The following C2CD5 variants were observed in gnomAD, a reference collection of about 807,000 sequenced individuals.
C2CD5 encodes C2 calcium dependent domain containing 5, also known as C2 domain-containing protein 5.
In C2CD5, 109 loss-of-function variants were observed where a neutral mutation model predicts 130.3. The observed-to-expected ratio is 0.84, with a 90% confidence interval of 0.72 to 0.98. The LOEUF is 0.98. Among genes scored for constraint, C2CD5 ranks in the 50% least tolerant of loss-of-function variants. The pLI is 0.00. For synonymous variants in C2CD5, 454 were observed against 429.2 expected (o/e 1.06, Z -0.71); for missense variants, 996 against 1,261.8 (o/e 0.79, Z 3.19).
intron 14 of C2CD5, among the ~76,000 whole-genome samples, chr12:22,480,479 G>C (rs1048340648): frequency 6.6e-6 from 1 of 152,210 alleles, no homozygotes; most frequent in African/African-American, 2.4e-5. Context: ...GTAGTTAACA[G>C]CACTAGTGAT....
intron 10 of C2CD5, among the ~76,000 whole-genome samples, chr12:22,494,358 CAA>C (rs1421486946): frequency 6.6e-6 from 1 of 151,800 alleles, no homozygotes; most frequent in Admixed American, 6.6e-5. Flanking sequence ...CCAAAAAATC[CAA>C]AGTTTCTATT....
In C2CD5 at chr12:22,544,315, C is replaced by A. The variant is rs542820294; in HGVS notation, c.-30+5G>T. The A allele has an allele frequency of 2.4e-4, 129 of 542,962 alleles. No homozygotes were observed. In the African/African-American group the frequency reaches 2.5e-3, roughly 10 times the overall value. The allele number at this position is 542,962 out of a possible 1,614,324, so 33.6% of individuals were successfully genotyped here. A position where few individuals can be genotyped will look rare whatever the true frequency, so the allele number is the denominator to read the frequency against. On this transcript the variant is annotated splice_donor_5th_base_variant and intron_variant, in intron 1 of 26. Coordinates refer to ENST00000446597, the MANE Select transcript of C2CD5 (RefSeq NM_001286176.2). ...CCGGCAGTCGCGCCACGGGTCGCCACTCACTGTCGCAGGAGGAAGGGTGCT... is the reference window on the plus strand; with the variant it reads ...CCGGCAGTCGCGCCACGGGTCGCCAATCACTGTCGCAGGAGGAAGGGTGCT...
chr12:22,523,726 TCA>T (rs927996184), intron 6 of C2CD5, 102 bp from the exon 7 acceptor site: 21 of 827,628 alleles, frequency 2.5e-5, no homozygotes, highest in Admixed American at 5.1e-5. Flanking sequence ...ACCAAGAAAA[TCA>T]CAGATTTTCA....
intron 12 of C2CD5, among the ~76,000 whole-genome samples, chr12:22,489,774 T>C (rs963519684): frequency 6.6e-6 from 1 of 152,114 alleles, no homozygotes; most frequent in Non-Finnish European, 1.5e-5. Context: ...ATAACCTCTT[T>C]CTGTTTTTGG....
Position 22,479,239 on chromosome 12 carries a change from AAT to A in C2CD5, c.1738-764_1738-763del, listed in dbSNP as rs1171261275. On this transcript the variant is annotated intron_variant, in intron 14 of 26. Coordinates refer to ENST00000446597, the MANE Select transcript of C2CD5 (RefSeq NM_001286176.2). ...CAGGTGCCCACCACCACACTCAGCTAATTTTTGTATTTTTAGTAGAGATGGGT... is the reference window on the plus strand; with the variant it reads ...CAGGTGCCCACCACCACACTCAGCTATTTTGTATTTTTAGTAGAGATGGGT... Among the ~76,000 whole-genome samples, 26 of 152,018 alleles carry A rather than the reference AAT, an allele frequency of 1.7e-4. 1 individual carries two copies. The East Asian group carries it at 3.7e-3, about 22-fold the overall frequency.
At chr12:22,492,996 T>C (rs927662872) in intron 11 of C2CD5, among the ~76,000 whole-genome samples, 2 of 152,182 alleles carry the variant, frequency 1.3e-5, no homozygotes, top group African/African-American at 4.8e-5. Flanking sequence ...TGGTATTATC[T>C]CCATTTTAAT....
chr12:22,495,983 T>C (rs1001046143), intron 10 of C2CD5, among the ~76,000 whole-genome samples: 3 of 152,082 alleles, frequency 2.0e-5, no homozygotes, highest in Non-Finnish European at 4.4e-5. Context: ...AAGGCAAGCA[T>C]ACAGTAGGGA....
At chr12:22,525,959 A>G (rs1259440403) in intron 4 of C2CD5, among the ~76,000 whole-genome samples, 1 of 152,184 alleles carries the variant, frequency 6.6e-6, no homozygotes, top group East Asian at 1.9e-4. Flanking sequence ...GTAGGCTAAT[A>G]TAAGTGTTCG....
chr12:22,536,491 T>C (rs1482492787), intron 2 of C2CD5, among the ~76,000 whole-genome samples: 4 of 152,148 alleles, frequency 2.6e-5, no homozygotes, highest in African/African-American at 4.8e-5. Context: ...ACCAAAAATA[T>C]AGTCATTCAG....
intron 22 of C2CD5, among the ~76,000 whole-genome samples, chr12:22,468,200 C>CTA (rs1942432085): frequency 6.6e-6 from 1 of 151,514 alleles, no homozygotes; most frequent in South Asian, 2.1e-4. Flanking sequence ...AAAAAACTTG[C>CTA]TGTATAGTGA....
At chr12:22,484,947 A>G in intron 12 of C2CD5, 59 bp from the exon 13 acceptor site, 2 of 808,120 alleles carry the variant, frequency 2.5e-6, no homozygotes, top group Non-Finnish European at 3.6e-6. Flanking sequence ...TTTTTCAAAA[A>G]TAATTATGTA....
At chr12:22,470,213 T>C (rs1028768313) in intron 21 of C2CD5, among the ~76,000 whole-genome samples, 6 of 152,130 alleles carry the variant, frequency 3.9e-5, no homozygotes, top group African/African-American at 9.6e-5. Flanking sequence ...ATCTTATCAA[T>C]GCTATACATG....
chr12:22,520,342 T>G (rs1950164522), intron 7 of C2CD5, among the ~76,000 whole-genome samples: 2 of 152,142 alleles, frequency 1.3e-5, no homozygotes, highest in African/African-American at 4.8e-5. Context: ...TATTACTGAC[T>G]GCCCAGGAAC....
Position 22,524,508 on chromosome 12 carries a change from T to C in C2CD5, c.565A>G (p.Asn189Asp). ...GAAATGAGTCTCTGTCTGGCCTCATTTGATGCCCTTGGTGTGCGAATTCGA... is the reference window on the plus strand; with the variant it reads ...GAAATGAGTCTCTGTCTGGCCTCATCTGATGCCCTTGGTGTGCGAATTCGA... ...IDRIRTPRASNEARQRLISLM... is the reference protein window; with the variant it reads ...IDRIRTPRASDEARQRLISLM... Residue 189 changes from asparagine (N) to aspartate (D), a missense_variant, in exon 6 of 27, where the codon AAT (asparagine) becomes GAT (aspartate). By Grantham distance (23) the Asn-to-Asp change is conservative. Transcript: ENST00000446597. 6.2e-7 allele frequency: 1 copy of C among 1,614,008 alleles called. No homozygotes were observed.
Position 22,524,499 on chromosome 12 carries a change from T to G in C2CD5, c.574A>C (p.Arg192=), listed in dbSNP as rs747845194. ...IRTPRASNEA[R]QRLISLMSGE... ...GACATTAACGAAATGAGTCTCTGTC[T>G]GGCCTCATTTGATGCCCTTGGTGTG... The change falls in exon 6 of 27, where the codon AGA becomes CGA. Residue 192 remains arginine (R), a synonymous_variant. Transcript: ENST00000446597. 20 of 1,613,998 alleles carry G rather than the reference T, an allele frequency of 1.2e-5. No homozygotes were observed. In the Middle Eastern group the frequency reaches 2.5e-3, roughly 200 times the overall value.
At position 22,472,792 on chromosome 12, in the gene C2CD5, C is replaced by T. The variant is rs753318683; in HGVS notation, c.2059G>A (p.Ala687Thr). ...AGTAGAGAATGGACATCTTCCATGG[C>T]ATCTGTGTCATCAATCTTAAAATAG... is the stretch of plus-strand genomic sequence containing the variant. The part of the protein sequence containing the change: ...AFVLEIDDTD[A>T]MEDVHSLLTD... The change falls in exon 17 of 27, where the codon GCC (alanine) becomes ACC (threonine). Residue 687 changes from alanine to threonine, a missense_variant. Physicochemically the swap from Ala to Thr is moderately conservative, Grantham distance 58. This residue lies in a region of C2CD5 where 590 missense variants were observed against 631.4 expected (regional missense o/e 0.93). Transcript: ENST00000446597. 6.4e-7 allele frequency: 1 copy of T among 1,561,138 alleles called. No homozygotes were observed. Among genetic ancestry groups the T allele is most frequent in the East Asian group, 2.2e-5 (1 of 44,454 alleles).
intron 18 of C2CD5, 73 bp downstream of exon 18, chr12:22,472,213 G>T: frequency 1.0e-6 from 1 of 957,904 alleles, no homozygotes; most frequent in Non-Finnish European, 1.6e-6. Flanking sequence ...AAAAAAAAAA[G>T]ACAAATATTT....
chr12:22,542,556 C>T (rs928437676), intron 2 of C2CD5, among the ~76,000 whole-genome samples: 1 of 152,212 alleles, frequency 6.6e-6, no homozygotes, highest in African/African-American at 2.4e-5. Context: ...TTTGATGTTC[C>T]CTTTGCCTGG....
chr12:22,535,181 A>C (rs1951705302), intron 3 of C2CD5, 77 bp downstream of exon 3: 9 of 789,298 alleles, frequency 1.1e-5, no homozygotes, highest in Non-Finnish European at 2.0e-5. Context: ...CCTGAAATAA[A>C]AGGTTCTCAT....
Sources: gnomAD v4.1 joint callset for allele counts (sites outside exome capture counted in the v4.1 genomes callset) on GRCh38, gnomAD v4.1.1 for gene constraint, gnomAD v4.1.1 regional missense constraint, MANE v1.5 for transcripts, NCBI Gene and HGNC (gene_info 2026-07-23, HGNC 2026-07-21) for gene names.